PTPRD: variants seen among roughly 807,000 people sequenced by gnomAD.
The protein encoded by PTPRD is receptor-type tyrosine-protein phosphatase delta.
In PTPRD, 34 loss-of-function variants were observed where a neutral mutation model predicts 214.5. The ratio of observed to expected loss-of-function variants is 0.16; its 90% CI spans 0.12 to 0.21. The LOEUF is 0.21. Among genes scored for constraint, PTPRD ranks in the 10% least tolerant of loss-of-function variants. The probability of loss-of-function intolerance (pLI) is 1.00; values close to 1 mark genes in which losing one functional copy is unlikely to be tolerated. For synonymous variants in PTPRD, 1,128 were observed against 845.7 expected, an observed-to-expected ratio of 1.33 and a Z score of -5.79; for missense variants, 2,545 against 2,398.7, an observed-to-expected ratio of 1.06 and a Z score of -1.27.
At chr9:8,353,838 A>G (rs866803327) in intron 39 of PTPRD, among the ~76,000 whole-genome samples, 8 of 46,646 alleles carry the variant, frequency 1.7e-4, no homozygotes, top group African/African-American at 2.9e-4. Flanking sequence ...ATATGTATAT[A>G]TGTATATATG....
At position 9,764,949 on chromosome 9, in the gene PTPRD, C is replaced by T. The variant is rs112225704; in HGVS notation, c.-326+1861G>A. On this transcript the variant is annotated intron_variant, in intron 6 of 45. Coordinates refer to ENST00000381196, the MANE Select transcript of PTPRD (RefSeq NM_002839.4). ...CAGCAGGCTCGAGGTTGAAGCTGCACATCCATGGGAAACTGAGATTATTTG... is the reference window on the plus strand; with the variant it reads ...CAGCAGGCTCGAGGTTGAAGCTGCATATCCATGGGAAACTGAGATTATTTG... Among the ~76,000 whole-genome samples the T allele has an allele frequency of 2.9e-3, 437 of 152,250 alleles. 2 individuals are homozygous for T. The highest frequency in any genetic ancestry group is 0.01 in the African/African-American group (417 of 41,534).
At chr9:10,261,639 CAAT>C (rs1345120569) in intron 3 of PTPRD, among the ~76,000 whole-genome samples, 2 of 151,930 alleles carry the variant, frequency 1.3e-5, no homozygotes, top group African/African-American at 4.8e-5. Context: ...TCAGAGAAAA[CAAT>C]GATGCAGTAT....
At chr9:9,347,110 TA>T (rs1431070647) in intron 9 of PTPRD, among the ~76,000 whole-genome samples, 3 of 152,100 alleles carry the variant, frequency 2.0e-5, no homozygotes, top group Non-Finnish European at 4.4e-5. Flanking sequence ...GAGGCTGCCG[TA>T]AGCTGTGGTC....
chr9:9,121,159 G>T (rs560061856), intron 10 of PTPRD, among the ~76,000 whole-genome samples: 1 of 152,264 alleles, frequency 6.6e-6, no homozygotes, highest in South Asian at 2.1e-4. Context: ...CATAGATGCT[G>T]TCATAGTCAC....
At chr9:9,176,215 G>A (rs2099924762) in intron 10 of PTPRD, among the ~76,000 whole-genome samples, 1 of 152,128 alleles carries the variant, frequency 6.6e-6, no homozygotes, top group South Asian at 2.1e-4. Flanking sequence ...TCTACACTCT[G>A]CCACCTATAA....
intron 7 of PTPRD, among the ~76,000 whole-genome samples, chr9:9,710,209 A>G (rs1050503508): frequency 6.6e-6 from 1 of 152,056 alleles, no homozygotes; most frequent in African/African-American, 2.4e-5. Context: ...GAGGGAATTT[A>G]CTCCATTTTC....
intron 23 of PTPRD, among the ~76,000 whole-genome samples, chr9:8,501,961 C>A (rs2097419416): frequency 6.6e-6 from 1 of 152,094 alleles, no homozygotes; most frequent in East Asian, 1.9e-4. Flanking sequence ...TTAAAAAGAA[C>A]TGTTTTTTTA....
chr9:9,736,019 T>G (rs1423583292), intron 6 of PTPRD, among the ~76,000 whole-genome samples: 1 of 152,128 alleles, frequency 6.6e-6, no homozygotes, highest in Non-Finnish European at 1.5e-5. Flanking sequence ...ACTGGGTAAG[T>G]GTATATGTAT....
intron 3 of PTPRD, among the ~76,000 whole-genome samples, chr9:10,291,060 T>C (rs1043240008): frequency 1.8e-4 from 28 of 151,454 alleles, no homozygotes; most frequent in African/African-American, 6.8e-4. Context: ...TTACTGGTAA[T>C]TTCTTTAAGA....
At chr9:8,340,257 C>T (rs2132332777) in intron 42 of PTPRD, 86 bp downstream of exon 42, 1 of 1,413,730 alleles carries the variant, frequency 7.1e-7, no homozygotes, top group Non-Finnish European at 9.4e-7. Flanking sequence ...AAAAAATGAT[C>T]TAGCACAAGA....
intron 2 of PTPRD, among the ~76,000 whole-genome samples, chr9:10,446,476 T>C (rs57132007): frequency 0.089 from 12,749 of 143,278 alleles, 987 homozygotes; most frequent in African/African-American, 0.2. Flanking sequence ...AAGATTGAAA[T>C]TCTCCTCTTT....
intron 9 of PTPRD, among the ~76,000 whole-genome samples, chr9:9,370,570 G>A (rs1480605098): frequency 4.0e-5 from 6 of 151,630 alleles, no homozygotes; most frequent in African/African-American, 1.5e-4. Context: ...GGGACAATTT[G>A]ACTTCCTCTT....
chr9:9,122,701 C>T (rs1447446365), intron 10 of PTPRD, among the ~76,000 whole-genome samples: 1 of 152,136 alleles, frequency 6.6e-6, no homozygotes. Flanking sequence ...GGATTGAAAT[C>T]CTGTGTTTCT....
At chr9:9,537,506 C>T (rs189212015) in intron 8 of PTPRD, among the ~76,000 whole-genome samples, 6 of 152,110 alleles carry the variant, frequency 3.9e-5, no homozygotes, top group South Asian at 2.1e-4. Context: ...GCTCTTAAAA[C>T]CAGTTCAGGA....
chr9:9,521,525 T>C (rs774345242), intron 8 of PTPRD, among the ~76,000 whole-genome samples: 2 of 152,156 alleles, frequency 1.3e-5, no homozygotes, highest in African/African-American at 2.4e-5. Context: ...CAAGAATGCA[T>C]TGGGAAGTAG....
chr9:9,979,786 G>A (rs1361562918), intron 4 of PTPRD, among the ~76,000 whole-genome samples: 1 of 152,176 alleles, frequency 6.6e-6, no homozygotes, highest in African/African-American at 2.4e-5. Context: ...CAGTATTAAA[G>A]AGTATAGAAT....
chr9:8,347,819 A>G (rs1021637373), intron 39 of PTPRD, among the ~76,000 whole-genome samples: 2 of 152,170 alleles, frequency 1.3e-5, no homozygotes, highest in African/African-American at 4.8e-5. Context: ...GTGAGAAAGT[A>G]GTCATCTAAA....
chr9:9,556,367 T>G (rs1050375899), intron 8 of PTPRD, among the ~76,000 whole-genome samples: 1 of 151,874 alleles, frequency 6.6e-6, no homozygotes, highest in East Asian at 1.9e-4. Context: ...GTGGAGGAGG[T>G]AGAAGGGGAA....
intron 10 of PTPRD, among the ~76,000 whole-genome samples, chr9:9,073,790 G>T (rs531419739): frequency 5.2e-4 from 79 of 152,020 alleles, no homozygotes; most frequent in Non-Finnish European, 8.7e-4. Flanking sequence ...GAAAAACCCT[G>T]ACTAATACAT....
Sources: allele counts gnomAD v4.1 joint callset (sites outside exome capture counted in the v4.1 genomes callset), GRCh38; gene constraint gnomAD v4.1.1; transcripts MANE v1.5; gene names NCBI Gene and HGNC (gene_info 2026-07-23, HGNC 2026-07-21).